Variants in POMT1 observed in about 807,000 individuals in gnomAD.
The protein encoded by POMT1 is protein O-mannosyltransferase 1.
In POMT1, 85 loss-of-function variants were observed where a neutral mutation model predicts 101.6. The observed-to-expected ratio is 0.84, with a 90% CI of 0.70 to 1.00. POMT1 has a LOEUF of 1.00. Ranked by LOEUF, POMT1 falls within the 50% of genes least tolerant of loss-of-function variation. The probability of loss-of-function intolerance (pLI) is 0.00; values close to 1 mark genes in which losing one functional copy is unlikely to be tolerated. For synonymous variants in POMT1, 371 were observed against 383.0 expected, an observed-to-expected ratio of 0.97 and a Z score of 0.37; for missense variants, 857 against 930.4, an observed-to-expected ratio of 0.92 and a Z score of 1.03.
At chr9:131,504,065 G>T in intron 1 of POMT1, 124 bp from the exon 2 acceptor site, 2 of 1,170,908 alleles carry the variant, frequency 1.7e-6, no homozygotes, top group Non-Finnish European at 2.5e-6. Flanking sequence ...AGGAACTTCG[G>T]TCTTTCTCAG....
intron 12 of POMT1, among the ~76,000 whole-genome samples, chr9:131,513,624 G>A (rs1315252151): frequency 1.3e-5 from 2 of 152,228 alleles, no homozygotes; most frequent in African/African-American, 4.8e-5. Flanking sequence ...GACAGGCTGG[G>A]AATGTTGACC....
intron 13 of POMT1, 35 bp downstream of exon 13, chr9:131,515,557 T>C (rs193152795): frequency 1.3e-6 from 2 of 1,590,502 alleles, no homozygotes; most frequent in African/African-American, 2.7e-5. Flanking sequence ...GCCACAACCG[T>C]CAGTAATGAA....
At chr9:131,504,801 C>T (rs571261217) in intron 2 of POMT1, among the ~76,000 whole-genome samples, 2 of 105,992 alleles carry the variant, frequency 1.9e-5, no homozygotes, top group South Asian at 3.5e-4. Flanking sequence ...GTTTTTGAGA[C>T]GGAGTCTTGC....
chr9:131,509,703 T>G, intron 6 of POMT1, 40 bp from the exon 7 acceptor site: 1 of 1,614,202 alleles, frequency 6.2e-7, no homozygotes, highest in Non-Finnish European at 8.5e-7. Context: ...GAAATGTGTC[T>G]GAACTATTTC....
chr9:131,510,403 G>A lies in POMT1; in HGVS notation c.843G>A (p.Gln281=). The part of the protein sequence containing the change: ...PHDQIMSSAF[Q]ASLEGGLARI... ...ACCAAATCATGTCCAGTGCCTTCCA[G>A]GCCAGCTTAGAGGTAAGTAAGCAGT... Residue 281 remains glutamine, a synonymous_variant, in exon 9 of 20, where the codon CAG becomes CAA. Coordinates refer to ENST00000402686, the MANE Select transcript of POMT1 (RefSeq NM_001077365.2). The A allele has an allele frequency of 6.2e-7, 1 of 1,614,200 alleles. No homozygotes were observed. Among genetic ancestry groups the A allele is most frequent in the Non-Finnish European group, 8.5e-7 (1 of 1,180,002 alleles).
rs376410027 is a variant in POMT1 at position 131,521,334 on chromosome 9, A to G, written c.1699-12A>G. 6.2e-7 allele frequency: 1 copy of G among 1,614,070 alleles called. No individual in the cohort carries two copies. The highest frequency in any genetic ancestry group is 1.3e-5 in the African/African-American group (1 of 75,002). ...GGGCAGGTGGCTAACAGCATCTCCC[A>G]TGTTCCCTTAGGCTCAGATCCACCT... On this transcript the variant is annotated splice_polypyrimidine_tract_variant and intron_variant, in intron 17 of 19. Transcript: ENST00000402686.
intron 17 of POMT1, 89 bp from the exon 18 acceptor site, chr9:131,521,257 C>T (rs1297191261): frequency 1.1e-5 from 18 of 1,568,688 alleles, no homozygotes; most frequent in South Asian, 6.7e-5. Flanking sequence ...TAAAGTAGTG[C>T]GTGCATCTGA....
At position 131,521,379 on chromosome 9, in the gene POMT1, T is replaced by C. The variant is rs1949881672; in HGVS notation, c.1732T>C (p.Trp578Arg). Residue 578 changes from tryptophan to arginine, a missense_variant, in exon 18 of 20, where the codon TGG becomes CGG. Coordinates refer to ENST00000402686, the MANE Select transcript of POMT1 (RefSeq NM_001077365.2). ...QIHLLGNIVI[W>R]VSGSLALAIY... ...CCACCTACTTGGAAACATAGTGATC[T>C]GGGTTTCGGGCAGCCTCGCTCTGGC... The C allele has an allele frequency of 6.2e-7, 1 of 1,614,212 alleles. No homozygotes were observed. The highest frequency in any genetic ancestry group is 2.2e-5 in the East Asian group (1 of 44,888).
At chr9:131,508,786 C>A in intron 5 of POMT1, 125 bp from the exon 6 acceptor site, 1 of 717,456 alleles carries the variant, frequency 1.4e-6, no homozygotes, top group Non-Finnish European at 2.5e-6. Flanking sequence ...AATGTTTTAA[C>A]ATTCACAACA....
chr9:131,522,077 C>G lies in POMT1; in HGVS notation c.1856C>G (p.Ala619Gly). 1 of 1,614,058 alleles carries G rather than the reference C, an allele frequency of 6.2e-7. No individual in the cohort carries two copies. The highest frequency in any genetic ancestry group is 1.1e-5 in the South Asian group (1 of 91,084). The change falls in exon 19 of 20, where the codon GCG (alanine) becomes GGG (glycine). Residue 619 changes from alanine to glycine, a missense_variant. Transcript: ENST00000402686. The surrounding 1 kb of genome is among the most constrained non-coding windows in gnomAD (Gnocchi z 5.5). ...DAWLRWVLAG[A>G]LCAGGWAVNY... ...TGGCTGCGCTGGGTGCTGGCTGGGGCGCTGTGTGCCGGTGGCTGGGCAGTG... is the reference window on the plus strand; with the variant it reads ...TGGCTGCGCTGGGTGCTGGCTGGGGGGCTGTGTGCCGGTGGCTGGGCAGTG...
intron 18 of POMT1, 65 bp from the exon 19 acceptor site, chr9:131,521,980 CAA>C (rs1241471589): frequency 3.7e-6 from 6 of 1,606,982 alleles, no homozygotes; most frequent in Admixed American, 1.7e-5. Context: ...TCTAAAAAAG[CAA>C]AAGAGAGAGA....
chr9:131,515,356 TGAAA>T lies in POMT1; in HGVS notation c.1176-67_1176-64del. The stretch of plus-strand genomic sequence containing the variant: ...TTCTGAAAAGCAACCTTTTCCTGCC[TGAAA>T]GATTTAGTAATTGCCTTCCAGAGGA... On this transcript the variant is annotated intron_variant, in intron 12 of 19. Coordinates refer to ENST00000402686, the MANE Select transcript of POMT1 (RefSeq NM_001077365.2). 3.3e-6 allele frequency: 5 copies of T among 1,498,930 alleles called. No homozygotes were observed. In the South Asian group the frequency reaches 5.6e-5, roughly 17 times the overall value. 92.9% of individuals were successfully genotyped at this position (1,498,930 alleles called of 1,614,324 possible).
Position 131,519,431 on chromosome 9 carries a change from C to T in POMT1, c.1529C>T (p.Ala510Val), listed in dbSNP as rs752732512. The T allele has an allele frequency of 4.7e-5, 73 of 1,551,730 alleles. 1 individual carries two copies. The highest frequency in any genetic ancestry group is 4.5e-4 in the South Asian group (38 of 84,092). The change falls in exon 16 of 20, where the codon GCG (alanine) becomes GTG (valine). Residue 510 changes from alanine (A) to valine (V), a missense_variant. Coordinates refer to ENST00000402686, the MANE Select transcript of POMT1 (RefSeq NM_001077365.2). The surrounding 1 kb of genome is among the most constrained non-coding windows in gnomAD (Gnocchi z 4.3). ...RERERELHSPAQVDVSRNLSF... is the reference protein window; with the variant it reads ...RERERELHSPVQVDVSRNLSF... ...CGGGAACGGGAGCTGCACTCACCTG[C>T]GCAGGTGGACGTCAGCAGGAACCTC...
Position 131,519,444 on chromosome 9 carries a change from CA to C in POMT1, c.1543del (p.Ser515AlafsTer20). On this transcript the variant is annotated frameshift_variant, in exon 16 of 20. Transcript: ENST00000402686. LOFTEE classifies it high-confidence loss of function. The surrounding 1 kb of genome is among the most constrained non-coding windows in gnomAD (Gnocchi z 4.3). ...ELHSPAQVDVSRNLSFMARFS... is the reference protein window; with the variant it reads ...ELHSPAQVDVXRNLSFMARFS... ...TGCACTCACCTGCGCAGGTGGACGT[CA>C]GCAGGAACCTCAGCTTCATGGCGAG... is the stretch of plus-strand genomic sequence containing the variant. 6.4e-7 allele frequency: 1 copy of C among 1,551,526 alleles called. No homozygotes were observed. The highest frequency in any genetic ancestry group is 8.7e-7 in the Non-Finnish European group (1 of 1,147,106).
chr9:131,504,998 G>GACA (rs1419864280), intron 2 of POMT1, among the ~76,000 whole-genome samples: 1 of 152,024 alleles, frequency 6.6e-6, no homozygotes, highest in East Asian at 1.9e-4. Context: ...GGCTGGTATT[G>GACA]AACTCCTGAC....
chr9:131,511,909 C>A, intron 10 of POMT1, 132 bp from the exon 11 acceptor site: 1 of 858,956 alleles, frequency 1.2e-6, no homozygotes, highest in Non-Finnish European at 1.9e-6. Flanking sequence ...CAGGGTCTCA[C>A]TATGTTGCCC....
chr9:131,522,319 C>A lies in POMT1; in HGVS notation c.2003+95C>A. ...ACACATGGGGTGCAGCGAACCTCAC[C>A]CATTTCACGTTACACTGACATCCTC... is the stretch of plus-strand genomic sequence containing the variant. On this transcript the variant is annotated intron_variant, in intron 19 of 19. Coordinates refer to ENST00000402686, the MANE Select transcript of POMT1 (RefSeq NM_001077365.2). This position sits in a 1 kb window ranked among gnomAD's most constrained non-coding sequence, Gnocchi z 5.5. 6.3e-7 allele frequency: 1 copy of A among 1,576,620 alleles called. No homozygotes were observed. The highest frequency in any genetic ancestry group is 8.6e-7 in the Non-Finnish European group (1 of 1,166,524).
At position 131,513,347 on chromosome 9, in the gene POMT1, G is replaced by A. The variant is rs371908251; in HGVS notation, c.1175+16G>A. The stretch of plus-strand genomic sequence containing the variant: ...CCCTGAACACGTGAGTGTGCCCGCC[G>A]TCTGCTCTGCTGCACCTGTGGGTTT... On this transcript the variant is annotated intron_variant, in intron 12 of 19. Transcript: ENST00000402686. 1.8e-4 allele frequency: 281 copies of A among 1,604,586 alleles called. 3 individuals carry two copies. The highest frequency in any genetic ancestry group is 1.7e-3 in the Middle Eastern group (10 of 6,046).
intron 4 of POMT1, chr9:131,506,655 T>A: frequency 1.6e-6 from 1 of 621,124 alleles, no homozygotes; most frequent in Non-Finnish European, 2.8e-6. Flanking sequence ...GGTTAAAATC[T>A]TACTGTTCAG....
Sources: allele counts gnomAD v4.1 joint callset (sites outside exome capture counted in the v4.1 genomes callset), GRCh38; gene constraint gnomAD v4.1.1; non-coding constraint Gnocchi (gnomAD v3.1); transcripts MANE v1.5; gene names NCBI Gene and HGNC (gene_info 2026-07-23, HGNC 2026-07-21).